The following URB1 variants were observed in gnomAD, a reference collection of about 807,000 sequenced individuals.
URB1 encodes URB1 ribosome biogenesis factor.
Under a neutral mutation model 242.3 loss-of-function variants are expected in URB1, and 197 were observed. That is an observed-to-expected ratio of 0.81 (90% CI 0.72 to 0.91). URB1 has a LOEUF of 0.91. Among genes scored for constraint, URB1 ranks in the 40% least tolerant of loss-of-function variants. The pLI is 0.00. For missense variants in URB1, 2,721 were observed against 2,860.5 expected (o/e 0.95, Z 1.11); for synonymous variants, 1,153 against 1,201.8 (o/e 0.96, Z 0.84).
chr21:32,325,144 C>T, intron 31 of URB1, 85 bp downstream of exon 31: 1 of 1,447,296 alleles, frequency 6.9e-7, no homozygotes, highest in East Asian at 2.5e-5. Flanking sequence ...CCTAGTAAAT[C>T]CTTCTACCAA....
intron 37 of URB1, among the ~76,000 whole-genome samples, chr21:32,317,328 A>T (rs1351498808): frequency 6.6e-6 from 1 of 152,248 alleles, no homozygotes; most frequent in Non-Finnish European, 1.5e-5. Flanking sequence ...TCAGGACAGC[A>T]TCAGAGCTTC....
At chr21:32,360,968 G>A (rs777743156) in intron 13 of URB1, 39 bp downstream of exon 13, 5 of 1,434,216 alleles carry the variant, frequency 3.5e-6, no homozygotes, top group Non-Finnish European at 4.8e-6. Flanking sequence ...TTTATTGGCA[G>A]CAACAGTGGC....
chr21:32,320,141 C>T (rs1262579989), intron 35 of URB1, among the ~76,000 whole-genome samples: 3 of 152,226 alleles, frequency 2.0e-5, no homozygotes, highest in African/African-American at 7.2e-5. Context: ...GGCCTTCCTG[C>T]AAGAGGGCTG....
intron 20 of URB1, among the ~76,000 whole-genome samples, chr21:32,350,149 A>G (rs1271738105): frequency 1.3e-4 from 16 of 126,812 alleles, no homozygotes; most frequent in East Asian, 2.7e-4. Context: ...AGAGGGAGGG[A>G]GGGCTGGGTG....
chr21:32,352,958 T>C, intron 18 of URB1, 52 bp from the exon 19 acceptor site: 1 of 1,484,316 alleles, frequency 6.7e-7, no homozygotes, highest in Non-Finnish European at 9.0e-7. Context: ...CCCACCCTTC[T>C]GTGACCTACC....
intron 15 of URB1, among the ~76,000 whole-genome samples, chr21:32,355,961 AC>A (rs528217730): frequency 3.3e-4 from 50 of 152,316 alleles, no homozygotes; most frequent in Middle Eastern, 3.4e-3. Flanking sequence ...GTGCTCCAGC[AC>A]CACACGCCCA....
At chr21:32,336,448 C>T (rs990585090) in intron 28 of URB1, among the ~76,000 whole-genome samples, 1 of 152,114 alleles carries the variant, frequency 6.6e-6, no homozygotes, top group African/African-American at 2.4e-5. Flanking sequence ...AAAGAAGACT[C>T]TAGGGCAGCA....
At chr21:32,345,600 GTCA>G in intron 22 of URB1, 25 bp from the exon 23 acceptor site, 2 of 1,515,650 alleles carry the variant, frequency 1.3e-6, no homozygotes, top group Non-Finnish European at 1.8e-6. Context: ...CAAAGGAGAA[GTCA>G]TCACACCCAA....
chr21:32,374,795 A>G (rs2033441647), intron 6 of URB1, among the ~76,000 whole-genome samples: 1 of 152,204 alleles, frequency 6.6e-6, no homozygotes, highest in Non-Finnish European at 1.5e-5. Flanking sequence ...GTCTTCAGAG[A>G]TTGACAAATG....
At chr21:32,334,579 C>T (rs1156253924) in intron 28 of URB1, among the ~76,000 whole-genome samples, 1 of 152,180 alleles carries the variant, frequency 6.6e-6, no homozygotes, top group Non-Finnish European at 1.5e-5. Context: ...TCAGCTGGCC[C>T]TATTCTAAGC....
rs2032994124 is a variant in URB1 at position 32,338,790 on chromosome 21, T to C, written c.4427A>G (p.Tyr1476Cys). 2 of 1,551,672 alleles carry C rather than the reference T, an allele frequency of 1.3e-6. No individual in the cohort carries two copies. Among genetic ancestry groups the C allele is most frequent in the East Asian group, 2.4e-5 (1 of 40,912 alleles). Residue 1476 changes from tyrosine to cysteine, a missense_variant, in exon 26 of 39, where the codon TAC becomes TGC. Physicochemically the swap from Tyr to Cys is radical, Grantham distance 194. Coordinates refer to ENST00000382751, the MANE Select transcript of URB1 (RefSeq NM_014825.3). ...CAGCGAGTGCTGCATGAGCATCACG[T>C]AGACCACCGGGAGCTGGATGAGCTT... The part of the protein sequence containing the change: ...RTKLIQLPVV[Y>C]VMLMQHSLFL...
At chr21:32,322,175 A>G (rs1321539976) in intron 33 of URB1, among the ~76,000 whole-genome samples, 1 of 152,264 alleles carries the variant, frequency 6.6e-6, no homozygotes, top group African/African-American at 2.4e-5. Flanking sequence ...ATTCTATAAA[A>G]GAATATTTAA....
At position 32,312,220 on chromosome 21, in the gene URB1, C is replaced by T. The variant is rs1343673660; in HGVS notation, c.*2698G>A. On this transcript the variant is annotated 3_prime_UTR_variant, in exon 39 of 39. Transcript: ENST00000382751. ...GCTGAGTTTATTGAGCACACCTAGC[C>T]TGCTTGCTTACTGCTTATATTTGCT... The T allele has an allele frequency of 6.9e-7, 1 of 1,452,968 alleles. No individual in the cohort carries two copies. The allele number at this position is 1,452,968 out of a possible 1,614,324, so 90.0% of individuals were successfully genotyped here.
intron 37 of URB1, 35 bp from the exon 38 acceptor site, chr21:32,317,100 G>A (rs1017475551): frequency 3.0e-5 from 45 of 1,487,728 alleles, no homozygotes; most frequent in Non-Finnish European, 3.6e-5. Flanking sequence ...AATGAGACTG[G>A]GGTCCCTCCT....
chr21:32,330,638 T>G (rs967519466), intron 30 of URB1, among the ~76,000 whole-genome samples: 5 of 152,220 alleles, frequency 3.3e-5, no homozygotes, highest in African/African-American at 1.2e-4. Flanking sequence ...TGCATTTTTT[T>G]AGAGTATGGA....
Position 32,316,775 on chromosome 21 carries a change from C to A in URB1, c.6325G>T (p.Ala2109Ser). ...LAVSWVLRSV[A>S]EHPLSRAEAA... The stretch of plus-strand genomic sequence containing the variant: ...TCTGCCCTGCTGAGCGGGTGCTCGG[C>A]CACCGACCGCAGCACCCAACTGACT... Residue 2109 changes from alanine (A) to serine (S), a missense_variant, in exon 38 of 39, where the codon GCC (alanine) becomes TCC (serine). Coordinates refer to ENST00000382751, the MANE Select transcript of URB1 (RefSeq NM_014825.3). 1 of 1,549,762 alleles carries A rather than the reference C, an allele frequency of 6.5e-7. No homozygotes were observed. Among genetic ancestry groups the A allele is most frequent in the Non-Finnish European group, 8.7e-7 (1 of 1,145,940 alleles).
intron 1 of URB1, among the ~76,000 whole-genome samples, chr21:32,387,633 C>G (rs899023213): frequency 6.8e-6 from 1 of 146,974 alleles, no homozygotes; most frequent in African/African-American, 2.5e-5. Context: ...GAGGAAGGGA[C>G]TAAATATTTC....
Position 32,315,065 on chromosome 21 carries a change from C to T in URB1, c.6669G>A (p.Lys2223=). ...SAAFLVSLYI[K]DIWLGAQRPD... is the part of the protein sequence containing the mutation. Reference sequence around the variant, plus strand: ...GCCGCTGAGCCCCCAGCCAGATGTCCTTTATGTAGAGAGACACTAGGAATG... The same window carrying T: ...GCCGCTGAGCCCCCAGCCAGATGTCTTTTATGTAGAGAGACACTAGGAATG... The change falls in exon 39 of 39, where the codon AAG becomes AAA. Residue 2223 remains lysine (K), a synonymous_variant. Coordinates refer to ENST00000382751, the MANE Select transcript of URB1 (RefSeq NM_014825.3). 6.5e-7 allele frequency: 1 copy of T among 1,545,978 alleles called. No individual in the cohort carries two copies. Among genetic ancestry groups the T allele is most frequent in the Non-Finnish European group, 8.7e-7 (1 of 1,142,994 alleles).
intron 8 of URB1, among the ~76,000 whole-genome samples, chr21:32,370,645 G>T (rs2033396248): frequency 2.6e-5 from 4 of 152,210 alleles, no homozygotes; most frequent in African/African-American, 9.7e-5. Context: ...AGGTCTCAGA[G>T]CTAAGTTGGG....
Sources: allele counts gnomAD v4.1 joint callset (sites outside exome capture counted in the v4.1 genomes callset), GRCh38; gene constraint gnomAD v4.1.1; transcripts MANE v1.5; gene names NCBI Gene and HGNC (gene_info 2026-07-23, HGNC 2026-07-21).